JAKMIP3: variants seen among roughly 807,000 people sequenced by gnomAD.
JAKMIP3 encodes the protein Janus kinase and microtubule interacting protein 3.
Under a neutral mutation model 118.5 loss-of-function variants are expected in JAKMIP3, and 58 were observed. The observed-to-expected ratio is 0.49, with a 90% CI of 0.40 to 0.61. The LOEUF (loss-of-function observed/expected upper bound fraction) is 0.61. Ranked by LOEUF, JAKMIP3 falls within the 20% of genes least tolerant of loss-of-function variation. JAKMIP3 has a pLI of 0.00. For synonymous variants in JAKMIP3, 486 were observed against 451.2 expected (o/e 1.08, Z -0.98); for missense variants, 950 against 1,109.0 (o/e 0.86, Z 2.04).
At chr10:132,077,330 C>T (rs942433396) in intron 1 of JAKMIP3, among the ~76,000 whole-genome samples, 5 of 152,142 alleles carry the variant, frequency 3.3e-5, no homozygotes, top group South Asian at 4.1e-4. Context: ...GGCCACTTCC[C>T]GTCTTCTGCT....
intron 1 of JAKMIP3, among the ~76,000 whole-genome samples, chr10:132,050,940 A>G (rs5017187): frequency 9.1e-3 from 671 of 73,870 alleles, no homozygotes; most frequent in Middle Eastern, 0.032. Flanking sequence ...CGTTCTGGTG[A>G]GTGGGTACCT....
chr10:132,173,313 G>C (rs960279282), intron 23 of JAKMIP3, among the ~76,000 whole-genome samples: 3 of 147,622 alleles, frequency 2.0e-5, no homozygotes, highest in African/African-American at 7.6e-5. Flanking sequence ...GTTCTTCGCA[G>C]CCATCTTCCC....
rs72027792 is a variant in JAKMIP3, at chr10:132,174,678, ATAAG to A, written c.*1103+5649_*1103+5652del. Among the ~76,000 whole-genome samples the A allele has an allele frequency of 7.4e-3, 1,122 of 152,260 alleles. 13 individuals carry two copies. The highest frequency in any genetic ancestry group is 0.025 in the African/African-American group (1,059 of 41,534). ...CATGGTGAGTGCATGCTTACTTTTTATAAGTAACTGTTGTCCAGAGTGACTGTTC... is the reference window on the plus strand; with the variant it reads ...CATGGTGAGTGCATGCTTACTTTTTATAACTGTTGTCCAGAGTGACTGTTC... On this transcript the variant is annotated intron_variant, in intron 23 of 23. Coordinates refer to ENST00000684848, the MANE Select transcript of JAKMIP3 (RefSeq NM_001323087.2).
At chr10:132,063,328 G>A (rs916904117), upstream of JAKMIP3, among the ~76,000 whole-genome samples, 10 of 152,182 alleles carry the variant, frequency 6.6e-5, no homozygotes, top group African/African-American at 2.4e-4. Flanking sequence ...AACACGTCCT[G>A]GGGGTGCTGG....
intron 1 of JAKMIP3, among the ~76,000 whole-genome samples, chr10:132,054,780 C>G (rs1052154408): frequency 2.6e-5 from 4 of 152,196 alleles, no homozygotes; most frequent in Non-Finnish European, 4.4e-5. Flanking sequence ...CCCCTGGGCT[C>G]GGGGACAGCT....
Position 132,168,038 on chromosome 10 carries a change from AG to A in JAKMIP3, c.*111del. ...CGTCGCGTCTCCATCCTGAAGACCCAGGGAGATTTGGTCTCTGCACGCCCGT... is the reference window on the plus strand; with the variant it reads ...CGTCGCGTCTCCATCCTGAAGACCCAGGAGATTTGGTCTCTGCACGCCCGT... On this transcript the variant is annotated 3_prime_UTR_variant, in exon 23 of 24. Transcript: ENST00000684848. The A allele has an allele frequency of 7.8e-7, 1 of 1,289,622 alleles. No individual in the cohort carries two copies. The highest frequency in any genetic ancestry group is 1.0e-6 in the Non-Finnish European group (1 of 988,850). 79.9% of individuals were successfully genotyped at this position (1,289,622 alleles called of 1,614,324 possible).
intron 1 of JAKMIP3, among the ~76,000 whole-genome samples, chr10:132,084,928 T>C (rs1290775769): frequency 6.6e-6 from 1 of 152,252 alleles, no homozygotes; most frequent in Non-Finnish European, 1.5e-5. Context: ...TGAAACTTAC[T>C]TGATCATGGT....
At chr10:132,057,580 GGC>G (rs1179902367) in intron 1 of JAKMIP3, among the ~76,000 whole-genome samples, 1 of 152,224 alleles carries the variant, frequency 6.6e-6, no homozygotes, top group African/African-American at 2.4e-5. Context: ...CCCGGCATGT[GGC>G]ACAGGCCCCA....
At chr10:132,127,472 C>G (rs1478871898) in intron 3 of JAKMIP3, among the ~76,000 whole-genome samples, 4 of 151,918 alleles carry the variant, frequency 2.6e-5, no homozygotes, top group Admixed American at 6.6e-5. Context: ...CCAGGCTGGT[C>G]TCGAACTCCT....
intron 1 of JAKMIP3, among the ~76,000 whole-genome samples, chr10:132,097,266 G>A (rs559164414): frequency 1.5e-4 from 23 of 152,346 alleles, no homozygotes; most frequent in Non-Finnish European, 3.1e-4. Flanking sequence ...TCCAGTGGGC[G>A]AGTGGCGAAA....
At chr10:132,095,397 T>C (rs115586660) in intron 1 of JAKMIP3, among the ~76,000 whole-genome samples, 2,255 of 152,310 alleles carry the variant, frequency 0.015, 65 homozygotes, top group African/African-American at 0.051. Flanking sequence ...ACAGGGCTTT[T>C]CCCACTGCTT....
intron 3 of JAKMIP3, among the ~76,000 whole-genome samples, chr10:132,131,215 T>C (rs1437245358): frequency 7.8e-6 from 1 of 128,516 alleles, no homozygotes; most frequent in Non-Finnish European, 1.6e-5. Context: ...GAGACGGGAG[T>C]TCAGGGGATG....
rs147886594 is a variant in JAKMIP3, at chr10:132,163,299, G to A, written c.2311G>A (p.Glu771Lys). Residue 771 changes from glutamate (E) to lysine (K), a missense_variant, in exon 20 of 24, where the codon GAG (glutamate) becomes AAG (lysine). By Grantham distance (56) the Glu-to-Lys change is moderately conservative. Transcript: ENST00000684848. ...TGAGCTGCTGTCAGAGGAGGAGCGC[G>A]AGAAGCTCAAGGTGGCCGTGGAGCA... is the stretch of plus-strand genomic sequence containing the variant. ...VAELLSEEER[E>K]KLKVAVEQWK... The A allele has an allele frequency of 1.3e-4, 206 of 1,605,368 alleles. No homozygotes were observed. The highest frequency in any genetic ancestry group is 1.7e-4 in the Admixed American group (10 of 59,108).
At chr10:132,180,706 T>TGC (rs1296789765) in intron 23 of JAKMIP3, among the ~76,000 whole-genome samples, 9 of 25,898 alleles carry the variant, frequency 3.5e-4, no homozygotes, top group African/African-American at 2.0e-3. Context: ...CGTGTGTGTG[T>TGC]GCGCGTGTGT....
chr10:132,125,226 C>T (rs191881722), intron 3 of JAKMIP3, among the ~76,000 whole-genome samples: 1 of 152,136 alleles, frequency 6.6e-6, no homozygotes, highest in Non-Finnish European at 1.5e-5. Context: ...TTCTATAATT[C>T]GTCCGAGTTC....
In JAKMIP3 at chr10:132,075,089, A is replaced by G. The variant is rs528696015; in HGVS notation, c.-138+9028A>G. 2.6e-5 allele frequency among the ~76,000 whole-genome samples: 4 copies of G among 152,350 alleles called. No homozygotes were observed. In the South Asian group the frequency reaches 8.3e-4, roughly 32 times the overall value. ...GTTTTGGTTACTATAACTTTGTAGT[A>G]TAATTTGAAATCAGGTAATATGATG... On this transcript the variant is annotated intron_variant, in intron 1 of 23. Coordinates refer to ENST00000684848, the MANE Select transcript of JAKMIP3 (RefSeq NM_001323087.2).
intron 1 of JAKMIP3, among the ~76,000 whole-genome samples, chr10:132,094,558 C>G (rs1737900930): frequency 6.6e-6 from 1 of 152,114 alleles, no homozygotes; most frequent in Non-Finnish European, 1.5e-5. Flanking sequence ...GCAAGTCTAC[C>G]AGGCTCTGGG....
At chr10:132,152,008 C>A (rs1166609327) in intron 16 of JAKMIP3, among the ~76,000 whole-genome samples, 1 of 152,248 alleles carries the variant, frequency 6.6e-6, no homozygotes, top group African/African-American at 2.4e-5. Context: ...CCTGAAGCCA[C>A]CTGCTCAGCC....
In JAKMIP3 at chr10:132,133,936, G is replaced by A. The variant is rs150566992; in HGVS notation, c.849+409G>A. 9.1e-4 allele frequency among the ~76,000 whole-genome samples: 139 copies of A among 152,312 alleles called. 1 individual carries two copies. The East Asian group carries it at 0.021, about 23-fold the overall frequency. ...TCTGGCCCGGGAAGGCTGGTGCACC[G>A]GCTCCCTGCCCACCGCGTGCCCAGC... On this transcript the variant is annotated intron_variant, in intron 4 of 23. Transcript: ENST00000684848.
Sources: allele counts gnomAD v4.1 joint callset (sites outside exome capture counted in the v4.1 genomes callset), GRCh38; gene constraint gnomAD v4.1.1; transcripts MANE v1.5; gene names NCBI Gene and HGNC (gene_info 2026-07-23, HGNC 2026-07-21).